Variants in PHYHIPL observed in about 807,000 individuals in gnomAD.
PHYHIPL encodes the protein phytanoyl-CoA 2-hydroxylase interacting protein like.
A neutral mutation model predicts 33.4 loss-of-function variants in PHYHIPL; 9 were observed. That is an observed-to-expected ratio of 0.27 (90% CI 0.16 to 0.47). PHYHIPL has a LOEUF of 0.47. Ranked by LOEUF, PHYHIPL falls within the 20% of genes least tolerant of loss-of-function variation. The probability of loss-of-function intolerance (pLI) is 0.99; values close to 1 mark genes in which losing one functional copy is unlikely to be tolerated. For synonymous variants in PHYHIPL, 153 were observed against 154.1 expected (o/e 0.99, Z 0.05); for missense variants, 365 against 460.7 (o/e 0.79, Z 1.90).
At position 59,245,844 on chromosome 10, in the gene PHYHIPL, C is replaced by G. The variant is rs1840651150; in HGVS notation, c.*253C>G. The G allele has an allele frequency of 6.9e-6, 3 of 435,872 alleles. No individual in the cohort carries two copies. Among genetic ancestry groups the G allele is most frequent in the Non-Finnish European group, 1.2e-5 (3 of 244,578 alleles). The allele number at this position is 435,872 out of a possible 1,614,324, so 27.0% of individuals were successfully genotyped here. A position where few individuals can be genotyped will look rare whatever the true frequency, so the allele number is the denominator to read the frequency against. ...CTTTTGACACTTTATTGCCTAGATG[C>G]TGCAATGTTTTTATGTTTCCTTTAT... is the stretch of plus-strand genomic sequence containing the variant. On this transcript the variant is annotated 3_prime_UTR_variant, in exon 5 of 5. Coordinates refer to ENST00000373880, the MANE Select transcript of PHYHIPL (RefSeq NM_032439.4).
At chr10:59,232,817 G>C (rs1271596235) in intron 1 of PHYHIPL, among the ~76,000 whole-genome samples, 1 of 151,920 alleles carries the variant, frequency 6.6e-6, no homozygotes, top group Non-Finnish European at 1.5e-5. Context: ...AAGTGGGACA[G>C]ATTAATGGGT....
intron 1 of PHYHIPL, among the ~76,000 whole-genome samples, chr10:59,210,499 A>G (rs1231284686): frequency 6.6e-6 from 1 of 152,224 alleles, no homozygotes; most frequent in Non-Finnish European, 1.5e-5. Flanking sequence ...TAGTTCAACC[A>G]TTGTGGAAGA....
intron 1 of PHYHIPL, among the ~76,000 whole-genome samples, chr10:59,223,532 G>A (rs970984870): frequency 6.6e-6 from 1 of 152,092 alleles, no homozygotes; most frequent in African/African-American, 2.4e-5. Context: ...ATCCATAATT[G>A]TAGTGGTCTT....
At chr10:59,177,836 T>C (rs1402792980) in intron 1 of PHYHIPL, among the ~76,000 whole-genome samples, 1 of 152,240 alleles carries the variant, frequency 6.6e-6, no homozygotes, top group African/African-American at 2.4e-5. Context: ...AAAGAAATCA[T>C]TTGATTAGTA....
intron 4 of PHYHIPL, among the ~76,000 whole-genome samples, chr10:59,241,810 T>C (rs1007928099): frequency 1.3e-5 from 2 of 152,174 alleles, no homozygotes; most frequent in Non-Finnish European, 1.5e-5. Flanking sequence ...CAAGAAACAG[T>C]CATTATTGAG....
At chr10:59,210,598 A>G (rs1299251303) in intron 1 of PHYHIPL, among the ~76,000 whole-genome samples, 1 of 152,242 alleles carries the variant, frequency 6.6e-6, no homozygotes, top group Non-Finnish European at 1.5e-5. Flanking sequence ...AGGATTATAA[A>G]TCATTCTACT....
chr10:59,187,531 G>C (rs944513802), intron 1 of PHYHIPL, among the ~76,000 whole-genome samples: 1 of 152,182 alleles, frequency 6.6e-6, no homozygotes, highest in African/African-American at 2.4e-5. Flanking sequence ...AATAGTTTCA[G>C]AGGAAATGGT....
intron 1 of PHYHIPL, chr10:59,219,201 A>C (rs2393530): frequency 0.98 from 880,108 of 896,724 alleles, 432,522 homozygotes; most frequent in East Asian, 0.99. Flanking sequence ...GCATATATTC[A>C]TAAAAATAAG....
At chr10:59,198,980 C>T (rs1055301951) in intron 1 of PHYHIPL, among the ~76,000 whole-genome samples, 11 of 152,184 alleles carry the variant, frequency 7.2e-5, no homozygotes, top group South Asian at 4.2e-4. Flanking sequence ...GAGTAGATTG[C>T]GAAAATTTTC....
chr10:59,236,807 A>G (rs767671482), intron 3 of PHYHIPL, 150 bp downstream of exon 3: 66 of 586,576 alleles, frequency 1.1e-4, no homozygotes, highest in Non-Finnish European at 1.5e-4. Flanking sequence ...CAGAATAAAC[A>G]ATGTTGTATT....
intron 1 of PHYHIPL, among the ~76,000 whole-genome samples, chr10:59,216,445 G>T (rs532004823): frequency 6.6e-6 from 1 of 152,036 alleles, no homozygotes; most frequent in Non-Finnish European, 1.5e-5. Context: ...GGATCCTCTG[G>T]AATAAGAGTC....
chr10:59,176,210 G>C (rs1340904348), upstream of PHYHIPL, among the ~76,000 whole-genome samples: 1 of 152,304 alleles, frequency 6.6e-6, no homozygotes, highest in East Asian at 1.9e-4. Context: ...CGTACAGAGA[G>C]TCCGAAGAGT....
intron 1 of PHYHIPL, among the ~76,000 whole-genome samples, chr10:59,181,479 G>A (rs1589255113): frequency 6.6e-6 from 1 of 151,940 alleles, no homozygotes; most frequent in East Asian, 1.9e-4. Flanking sequence ...CCTAAAAATT[G>A]TTTTCAGTTT....
chr10:59,227,322 A>G (rs1375237229), intron 1 of PHYHIPL, among the ~76,000 whole-genome samples: 1 of 152,156 alleles, frequency 6.6e-6, no homozygotes, highest in Non-Finnish European at 1.5e-5. Context: ...CCAAAGAAAC[A>G]TGCACTAGAG....
intron 1 of PHYHIPL, among the ~76,000 whole-genome samples, chr10:59,203,809 C>T (rs145634469): frequency 6.4e-4 from 97 of 151,820 alleles, no homozygotes; most frequent in African/African-American, 2.2e-3. Flanking sequence ...GGAGAAATAC[C>T]TCATGTAAAT....
chr10:59,216,531 A>G (rs764608010), intron 1 of PHYHIPL, among the ~76,000 whole-genome samples: 8 of 152,174 alleles, frequency 5.3e-5, no homozygotes, highest in African/African-American at 1.9e-4. Context: ...GAGAAGATCA[A>G]TGTGACCTTC....
At chr10:59,201,220 A>G (rs1215134045) in intron 1 of PHYHIPL, among the ~76,000 whole-genome samples, 2 of 151,968 alleles carry the variant, frequency 1.3e-5, no homozygotes, top group Non-Finnish European at 1.5e-5. Context: ...CCTCTACACA[A>G]TGCTTTGAAT....
chr10:59,197,118 C>T (rs1208766104), intron 1 of PHYHIPL, among the ~76,000 whole-genome samples: 1 of 152,188 alleles, frequency 6.6e-6, no homozygotes, highest in Admixed American at 6.5e-5. Flanking sequence ...AAGATGTTCT[C>T]ATTATCCTCC....
At chr10:59,206,434 A>G (rs1839287753) in intron 1 of PHYHIPL, among the ~76,000 whole-genome samples, 1 of 152,198 alleles carries the variant, frequency 6.6e-6, no homozygotes, top group African/African-American at 2.4e-5. Flanking sequence ...CGCTGCTTCA[A>G]AGGTCTTTCT....
Sources: gnomAD v4.1 joint callset for allele counts (sites outside exome capture counted in the v4.1 genomes callset) on GRCh38, gnomAD v4.1.1 for gene constraint, MANE v1.5 for transcripts, NCBI Gene and HGNC (gene_info 2026-07-23, HGNC 2026-07-21) for gene names.